The following SAMMSON variants were observed in gnomAD, a reference collection of about 807,000 sequenced individuals.
SAMMSON encodes survival associated mitochondrial melanoma specific oncogenic non-coding RNA, also known as long intergenic non-protein coding RNA 1212.
chr3:70,335,312 A>G (rs1702652719), intron 7 of SAMMSON, among the ~76,000 whole-genome samples: 1 of 152,032 alleles, frequency 6.6e-6, no homozygotes, highest in South Asian at 2.1e-4. Context: ...GCTAGCCCTT[A>G]GATTCCTCAA....
intron 3 of SAMMSON, among the ~76,000 whole-genome samples, chr3:70,042,107 G>C (rs1386610264): frequency 6.6e-6 from 1 of 152,184 alleles, no homozygotes; most frequent in Admixed American, 6.6e-5. Context: ...GTGTATCAGG[G>C]TTCCATTTTT....
intron 4 of SAMMSON, among the ~76,000 whole-genome samples, chr3:70,079,527 T>G (rs1260054962): frequency 6.6e-6 from 1 of 152,210 alleles, no homozygotes; most frequent in African/African-American, 2.4e-5. Flanking sequence ...ACAACTGTTC[T>G]GTTTTTTCCT....
chr3:70,025,806 T>C (rs2067035184), intron 3 of SAMMSON, among the ~76,000 whole-genome samples: 1 of 152,164 alleles, frequency 6.6e-6, no homozygotes, highest in Non-Finnish European at 1.5e-5. Context: ...ATATACTGTA[T>C]TCGTACAATA....
intron 2 of SAMMSON, among the ~76,000 whole-genome samples, chr3:70,408,959 TGG>T (rs1701197056): frequency 6.6e-6 from 1 of 152,124 alleles, no homozygotes; most frequent in Non-Finnish European, 1.5e-5. Context: ...ACTTCTTACA[TGG>T]TGGTGGCAAG....
intron 4 of SAMMSON, among the ~76,000 whole-genome samples, chr3:70,231,802 A>G (rs1301519912): frequency 1.3e-5 from 2 of 152,140 alleles, no homozygotes; most frequent in African/African-American, 4.8e-5. Context: ...TGGCAATGAA[A>G]TTACTTGGAC....
intron 9 of SAMMSON, among the ~76,000 whole-genome samples, chr3:70,376,490 A>G (rs1375462088): frequency 2.0e-5 from 3 of 152,192 alleles, no homozygotes; most frequent in African/African-American, 7.2e-5. Flanking sequence ...GTACACATAC[A>G]TTGGTGCTAT....
At chr3:70,310,236 T>C (rs1702442270) in intron 7 of SAMMSON, among the ~76,000 whole-genome samples, 1 of 152,144 alleles carries the variant, frequency 6.6e-6, no homozygotes. Context: ...TGCATCAACT[T>C]TAGTCCTGAA....
chr3:70,164,937 CG>C (rs1287413995), intron 4 of SAMMSON, among the ~76,000 whole-genome samples: 2 of 151,920 alleles, frequency 1.3e-5, no homozygotes, highest in Non-Finnish European at 2.9e-5. Context: ...TTGAATTTGG[CG>C]GCATAATATT....
At chr3:70,221,221 A>C (rs1701458023) in intron 4 of SAMMSON, among the ~76,000 whole-genome samples, 2 of 152,158 alleles carry the variant, frequency 1.3e-5, no homozygotes, top group African/African-American at 4.8e-5. Context: ...TTTATTCATT[A>C]GTGCCTGCTA....
At chr3:70,433,266 G>T (rs1217968295) in intron 2 of SAMMSON, among the ~76,000 whole-genome samples, 3 of 152,116 alleles carry the variant, frequency 2.0e-5, no homozygotes, top group African/African-American at 2.4e-5. Flanking sequence ...GTTTCATTTT[G>T]CATTCCTACA....
At chr3:70,267,123 T>C (rs1300226591) in intron 6 of SAMMSON, among the ~76,000 whole-genome samples, 2 of 152,140 alleles carry the variant, frequency 1.3e-5, no homozygotes, top group Non-Finnish European at 2.9e-5. Context: ...GGAAGGAGAA[T>C]AGGAAGTACC....
chr3:70,171,426 A>T (rs575957377), intron 4 of SAMMSON, among the ~76,000 whole-genome samples: 4 of 152,046 alleles, frequency 2.6e-5, no homozygotes, highest in Non-Finnish European at 2.9e-5. Flanking sequence ...AGTTTAAAAA[A>T]ATCTTCAGAC....
intron 4 of SAMMSON, among the ~76,000 whole-genome samples, chr3:70,115,657 A>G (rs945132854): frequency 6.6e-6 from 1 of 152,170 alleles, no homozygotes; most frequent in Non-Finnish European, 1.5e-5. Flanking sequence ...ACATCAGTAG[A>G]TGAAGGCATT....
chr3:70,159,663 A>C (rs528940828), intron 4 of SAMMSON: 1 of 151,628 alleles, frequency 6.6e-6, no homozygotes, highest in South Asian at 2.1e-4. Context: ...GGTTCAAGCG[A>C]TTCTCCTCCC....
At chr3:70,180,689 G>A (rs555608582) in intron 4 of SAMMSON, among the ~76,000 whole-genome samples, 3 of 152,204 alleles carry the variant, frequency 2.0e-5, no homozygotes, top group Non-Finnish European at 4.4e-5. Context: ...GAAGTACACC[G>A]TGCTACTCCG....
At chr3:70,336,275 C>G (rs890137259) in intron 7 of SAMMSON, among the ~76,000 whole-genome samples, 3 of 151,816 alleles carry the variant, frequency 2.0e-5, no homozygotes, top group Non-Finnish European at 4.4e-5. Context: ...TAAGCAGACC[C>G]CAGGTGTTTT....
At chr3:70,064,928 C>T (rs1281494949) in intron 3 of SAMMSON, among the ~76,000 whole-genome samples, 5 of 152,008 alleles carry the variant, frequency 3.3e-5, no homozygotes, top group Non-Finnish European at 7.4e-5. Context: ...AAATATCCAA[C>T]GTAAAATGCA....
chr3:70,128,342 G>T (rs1390063423), intron 4 of SAMMSON, among the ~76,000 whole-genome samples: 1 of 152,150 alleles, frequency 6.6e-6, no homozygotes, highest in South Asian at 2.1e-4. Context: ...GTCCCTGAAT[G>T]TTCCAATAAA....
chr3:70,225,855 G>C (rs1575601398), intron 4 of SAMMSON, among the ~76,000 whole-genome samples: 1 of 152,262 alleles, frequency 6.6e-6, no homozygotes, highest in East Asian at 1.9e-4. Context: ...TTAGACAAAC[G>C]TTGCTAGTGG....
Sources: allele counts gnomAD v4.1 joint callset (sites outside exome capture counted in the v4.1 genomes callset), GRCh38; gene constraint gnomAD v4.1.1; transcripts MANE v1.5; gene names NCBI Gene and HGNC (gene_info 2026-07-23, HGNC 2026-07-21).